Variants in LRRC20 observed in about 807,000 individuals in gnomAD.
The protein encoded by LRRC20 is leucine rich repeat containing 20.
LRRC20 carries 11 observed loss-of-function variants against 14.4 expected under a neutral mutation model. The observed-to-expected ratio is 0.77, with a 90% CI of 0.48 to 1.27. The LOEUF (loss-of-function observed/expected upper bound fraction) is 1.27. LRRC20 is among the 50% of genes most tolerant of loss of function. LRRC20 has a pLI of 0.00. For missense variants in LRRC20, 219 were observed against 251.2 expected (o/e 0.87, Z 0.87); for synonymous variants, 121 against 107.3 (o/e 1.13, Z -0.79).
At chr10:70,362,744 C>T (rs1238658173) in intron 2 of LRRC20, among the ~76,000 whole-genome samples, 2 of 152,308 alleles carry the variant, frequency 1.3e-5, no homozygotes, top group East Asian at 1.9e-4. Context: ...CAGTTTTGCC[C>T]CCAGGGGACA....
chr10:70,323,791 C>A (rs1040190484), intron 4 of LRRC20, 72 bp downstream of exon 4: 1 of 1,531,202 alleles, frequency 6.5e-7, no homozygotes, highest in Non-Finnish European at 9.0e-7. Flanking sequence ...CTGTGAAGGT[C>A]GACTCCAGAG....
intron 4 of LRRC20, among the ~76,000 whole-genome samples, chr10:70,305,743 A>ATT (rs34994675): frequency 0.038 from 5,562 of 144,700 alleles, 154 homozygotes; most frequent in East Asian, 0.087. Flanking sequence ...AGATTTGCCA[A>ATT]TTTTTTTTTT....
intron 2 of LRRC20, among the ~76,000 whole-genome samples, chr10:70,366,229 C>A (rs918446343): frequency 4.6e-5 from 7 of 151,818 alleles, no homozygotes; most frequent in Non-Finnish European, 1.0e-4. Context: ...TCAAGACCAG[C>A]CTGGCCAACA....
At chr10:70,349,707 C>T (rs1843220558) in intron 2 of LRRC20, among the ~76,000 whole-genome samples, 2 of 152,218 alleles carry the variant, frequency 1.3e-5, no homozygotes. Context: ...GTTACCCTCA[C>T]AGCAGGAGAA....
chr10:70,337,191 C>T (rs1842747487), intron 3 of LRRC20, among the ~76,000 whole-genome samples: 1 of 152,192 alleles, frequency 6.6e-6, no homozygotes, highest in South Asian at 2.1e-4. Flanking sequence ...TGCAAGCACC[C>T]AGAGGAGGAC....
chr10:70,300,417 G>A lies in LRRC20; in HGVS notation c.*937C>T. On this transcript the variant is annotated 3_prime_UTR_variant, in exon 5 of 5. Coordinates refer to ENST00000446961, the MANE Select transcript of LRRC20 (RefSeq NM_001278212.2). ...TCATCAGGGCTTTGGGCGTTGGCCT[G>A]GGAGCTGGCTGGCTACAAATCCCGT... The A allele has an allele frequency of 1.0e-6, 1 of 985,576 alleles. No individual in the cohort carries two copies. Among genetic ancestry groups the A allele is most frequent in the Non-Finnish European group, 1.2e-6 (1 of 830,032 alleles). 61.1% of individuals were successfully genotyped at this position (985,576 alleles called of 1,614,324 possible).
At chr10:70,337,952 C>T (rs1283284135) in intron 3 of LRRC20, among the ~76,000 whole-genome samples, 1 of 152,140 alleles carries the variant, frequency 6.6e-6, no homozygotes, top group East Asian at 1.9e-4. Flanking sequence ...AGGGCCCGGA[C>T]AGCCCCACCC....
chr10:70,336,542 C>A (rs1842730901), intron 3 of LRRC20, among the ~76,000 whole-genome samples: 1 of 152,234 alleles, frequency 6.6e-6, no homozygotes, highest in Non-Finnish European at 1.5e-5. Context: ...TTTGTCCCCA[C>A]TTCCAATTAA....
At chr10:70,347,818 C>CAA (rs35277085) in intron 2 of LRRC20, among the ~76,000 whole-genome samples, 214 of 127,726 alleles carry the variant, frequency 1.7e-3, no homozygotes, top group Middle Eastern at 4.0e-3. Context: ...GACTCCGTCT[C>CAA]AAAAAAAAAA....
intron 2 of LRRC20, among the ~76,000 whole-genome samples, chr10:70,360,361 CT>C (rs1429846946): frequency 6.6e-6 from 1 of 151,474 alleles, no homozygotes; most frequent in African/African-American, 2.4e-5. Flanking sequence ...TTCCTCATTG[CT>C]TTCCTCCTCC....
In LRRC20 at chr10:70,323,911, C is replaced by A. The variant is rs749051232; in HGVS notation, c.352G>T (p.Ala118Ser). The A allele has an allele frequency of 1.2e-6, 2 of 1,614,184 alleles. No individual in the cohort carries two copies. Among genetic ancestry groups the A allele is most frequent in the East Asian group, 4.5e-5 (2 of 44,866 alleles). ...QFQDFPEQLT[A>S]LPALETINLE... ...TTGATGGTCTCCAGCGCCGGCAGGG[C>A]GGTAAGCTGCTCAGGGAAGTCCTGG... The change falls in exon 4 of 5, where the codon GCC becomes TCC. Residue 118 changes from alanine (A) to serine (S), a missense_variant. Physicochemically the swap from Ala to Ser is moderately conservative, Grantham distance 99. Transcript: ENST00000446961.
At chr10:70,348,616 G>A (rs1476621548) in intron 2 of LRRC20, among the ~76,000 whole-genome samples, 4 of 152,178 alleles carry the variant, frequency 2.6e-5, no homozygotes, top group Non-Finnish European at 5.9e-5. Flanking sequence ...GAAGCCAGGG[G>A]TCCCAACCAC....
chr10:70,317,579 A>G (rs1480766877), intron 4 of LRRC20, among the ~76,000 whole-genome samples: 1 of 151,896 alleles, frequency 6.6e-6, no homozygotes, highest in Non-Finnish European at 1.5e-5. Context: ...GGGCCTCACT[A>G]TGTTGCTCAG....
chr10:70,309,366 G>A (rs1309231603), intron 4 of LRRC20, among the ~76,000 whole-genome samples: 1 of 152,204 alleles, frequency 6.6e-6, no homozygotes, highest in Non-Finnish European at 1.5e-5. Flanking sequence ...TTGATTCTCA[G>A]TTTCTTGATG....
At chr10:70,363,840 A>ACCC (rs35529318) in intron 2 of LRRC20, among the ~76,000 whole-genome samples, 1 of 152,032 alleles carries the variant, frequency 6.6e-6, no homozygotes. Context: ...CTCCAAGTCA[A>ACCC]CCCCCAACAC....
chr10:70,366,377 T>A (rs1431873020), intron 2 of LRRC20, among the ~76,000 whole-genome samples: 1 of 151,926 alleles, frequency 6.6e-6, no homozygotes, highest in Non-Finnish European at 1.5e-5. Context: ...GAGCTGAGAT[T>A]GTGCCACTGT....
In LRRC20 at chr10:70,301,363, G is replaced by C; in HGVS notation, c.546C>G (p.Pro182=). The C allele has an allele frequency of 1.2e-6, 2 of 1,612,696 alleles. No individual in the cohort carries two copies. The highest frequency in any genetic ancestry group is 1.1e-5 in the South Asian group (1 of 90,952). Residue 182 remains proline (P), a synonymous_variant, in exon 5 of 5, where the codon CCC becomes CCG. Transcript: ENST00000446961. The stretch of plus-strand genomic sequence containing the variant: ...GCATGAGGAGGGTGGCCTAAGGTAG[G>C]GGGGCTCTTGCGCCTTCCGGAGACA... The part of the protein sequence containing the change: ...MLMSPEGARA[P]LP
At chr10:70,304,470 T>TTATATAGATATAGATATATAGATA (rs1554835659) in intron 4 of LRRC20, among the ~76,000 whole-genome samples, 3 of 113,824 alleles carry the variant, frequency 2.6e-5, no homozygotes, top group Admixed American at 9.4e-5. Flanking sequence ...GGCCACTTCT[T>TTATATAGATATAGATATATAGATA]TATATATATA....
At chr10:70,312,408 C>T (rs1564613052) in intron 4 of LRRC20, among the ~76,000 whole-genome samples, 1 of 152,122 alleles carries the variant, frequency 6.6e-6, no homozygotes, top group Non-Finnish European at 1.5e-5. Context: ...TCCACCACAC[C>T]CTTCTGGGTG....
Sources: gnomAD v4.1 joint callset for allele counts (sites outside exome capture counted in the v4.1 genomes callset) on GRCh38, gnomAD v4.1.1 for gene constraint, MANE v1.5 for transcripts, NCBI Gene and HGNC (gene_info 2026-07-23, HGNC 2026-07-21) for gene names.